The following GNG12 variants were observed in gnomAD, a reference collection of about 807,000 sequenced individuals.
GNG12 encodes G protein subunit gamma 12.
For missense variants in GNG12, 69 were observed against 83.8 expected, an observed-to-expected ratio of 0.82 and a Z score of 0.69; for synonymous variants, 28 against 29.7, an observed-to-expected ratio of 0.94 and a Z score of 0.19.
At chr1:67,734,774 A>G (rs1309476105) in intron 2 of GNG12, among the ~76,000 whole-genome samples, 1 of 152,188 alleles carries the variant, frequency 6.6e-6, no homozygotes, top group East Asian at 1.9e-4. Flanking sequence ...CTACAGGCAC[A>G]CTACAGGGTC....
intron 2 of GNG12, among the ~76,000 whole-genome samples, chr1:67,714,330 T>C (rs111668589): frequency 1.3e-5 from 2 of 152,290 alleles, no homozygotes; most frequent in Admixed American, 6.5e-5. Context: ...CAGGGACACA[T>C]TCAGGGATTC....
chr1:67,788,529 T>C (rs1646783132), intron 1 of GNG12, among the ~76,000 whole-genome samples: 2 of 151,618 alleles, frequency 1.3e-5, no homozygotes. Flanking sequence ...TTTAAGGAGA[T>C]AGTGTCTTGC....
At chr1:67,797,816 T>A (rs2100792184) in intron 1 of GNG12, among the ~76,000 whole-genome samples, 1 of 152,058 alleles carries the variant, frequency 6.6e-6, no homozygotes, top group Non-Finnish European at 1.5e-5. Flanking sequence ...GAGAGAACCA[T>A]CCCCTCGGAG....
At chr1:67,797,154 A>T (rs1276308) in intron 1 of GNG12, among the ~76,000 whole-genome samples, 109,917 of 151,982 alleles carry the variant, frequency 0.72, 39,866 homozygotes, top group Middle Eastern at 0.79. Flanking sequence ...ACTAAATCAG[A>T]TAGTCAGCTT....
At chr1:67,739,337 T>C (rs1646469927) in intron 2 of GNG12, among the ~76,000 whole-genome samples, 1 of 152,242 alleles carries the variant, frequency 6.6e-6, no homozygotes, top group East Asian at 1.9e-4. Flanking sequence ...GCCCCAAAGA[T>C]TCTTCCTGTT....
intron 2 of GNG12, among the ~76,000 whole-genome samples, chr1:67,746,933 T>C (rs1042932503): frequency 2.0e-5 from 3 of 150,814 alleles, no homozygotes; most frequent in African/African-American, 7.4e-5. Flanking sequence ...TTTAAAAGTG[T>C]GTGTTTTTTT....
At chr1:67,808,213 G>GT (rs1557624244) in intron 1 of GNG12, among the ~76,000 whole-genome samples, 1 of 151,898 alleles carries the variant, frequency 6.6e-6, no homozygotes, top group African/African-American at 2.4e-5. Context: ...TCACATGATC[G>GT]TATCAACAGA....
At chr1:67,803,873 C>CAACAA (rs373252668) in intron 1 of GNG12, among the ~76,000 whole-genome samples, 65 of 152,054 alleles carry the variant, frequency 4.3e-4, no homozygotes, top group African/African-American at 1.2e-3. Context: ...GCAAGTGTAC[C>CAACAA]AACAAAACAA....
At position 67,731,109 on chromosome 1, in the gene GNG12, AT is replaced by A. The variant is rs71590377; in HGVS notation, c.-26-23398del. 2.0e-5 allele frequency among the ~76,000 whole-genome samples: 3 copies of A among 151,706 alleles called. No homozygotes were observed. In the East Asian group the frequency reaches 5.8e-4, roughly 29 times the overall value. ...TGTGACTTATTCCTATTTTGTTTTT[AT>A]TTTTTCCCCCCAGAAAGCCCTCCCC... On this transcript the variant is annotated intron_variant, in intron 2 of 3. Coordinates refer to ENST00000370982, the MANE Select transcript of GNG12 (RefSeq NM_018841.6).
intron 2 of GNG12, among the ~76,000 whole-genome samples, chr1:67,770,438 A>C (rs1646667245): frequency 6.6e-6 from 1 of 152,182 alleles, no homozygotes; most frequent in African/African-American, 2.4e-5. Context: ...TCAGAAAGTG[A>C]GTACTGTCCC....
chr1:67,791,720 G>A (rs1401925865), intron 1 of GNG12, among the ~76,000 whole-genome samples: 1 of 151,996 alleles, frequency 6.6e-6, no homozygotes, highest in African/African-American at 2.4e-5. Flanking sequence ...AGCATCTCTC[G>A]CCTGGATGAC....
At chr1:67,724,911 A>G (rs1362242440) in intron 2 of GNG12, among the ~76,000 whole-genome samples, 1 of 152,256 alleles carries the variant, frequency 6.6e-6, no homozygotes, top group Non-Finnish European at 1.5e-5. Flanking sequence ...AGTCCTAAAC[A>G]TGTCATAACA....
At chr1:67,715,100 G>A (rs1646317848) in intron 2 of GNG12, among the ~76,000 whole-genome samples, 1 of 152,074 alleles carries the variant, frequency 6.6e-6, no homozygotes, top group Non-Finnish European at 1.5e-5. Context: ...TGTATTTTTA[G>A]TAGAGATGGG....
At chr1:67,797,835 T>C (rs1313089462) in intron 1 of GNG12, among the ~76,000 whole-genome samples, 1 of 152,120 alleles carries the variant, frequency 6.6e-6, no homozygotes, top group Non-Finnish European at 1.5e-5. Context: ...AGCCAAGATC[T>C]TCCTCAGGTG....
intron 1 of GNG12, among the ~76,000 whole-genome samples, chr1:67,831,671 G>A (rs1276428170): frequency 6.6e-6 from 1 of 152,104 alleles, no homozygotes; most frequent in African/African-American, 2.4e-5. Context: ...CATTTTATCT[G>A]AAAGTCCTTT....
At position 67,703,256 on chromosome 1, in the gene GNG12, C is replaced by A. The variant is rs1646226067; in HGVS notation, c.*2195G>T. 6.6e-6 allele frequency: 1 copy of A among 152,132 alleles called. No homozygotes were observed. 9.4% of individuals were successfully genotyped at this position (152,132 alleles called of 1,614,324 possible). Reference sequence around the variant, plus strand: ...ATCTCCTGGGACCTCAAGTCCATTTCTTACCACTATAAGCATATTAACAGA... The same window carrying A: ...ATCTCCTGGGACCTCAAGTCCATTTATTACCACTATAAGCATATTAACAGA... On this transcript the variant is annotated 3_prime_UTR_variant, in exon 4 of 4. Coordinates refer to ENST00000370982, the MANE Select transcript of GNG12 (RefSeq NM_018841.6).
chr1:67,815,549 G>A lies in GNG12; in HGVS notation c.-77+17795C>T, dbSNP rs1272795164. Among the ~76,000 whole-genome samples the A allele has an allele frequency of 2.0e-5, 3 of 152,164 alleles. No individual in the cohort carries two copies. The East Asian group carries it at 5.8e-4, about 29-fold the overall frequency. Reference sequence around the variant, plus strand: ...CCCCAGAGTGCTGTGCTGTTACCCTGTGGGTTACTGTGTCGAAATGGAAGC... The same window carrying A: ...CCCCAGAGTGCTGTGCTGTTACCCTATGGGTTACTGTGTCGAAATGGAAGC... On this transcript the variant is annotated intron_variant, in intron 1 of 3. Transcript: ENST00000370982.
intron 1 of GNG12, among the ~76,000 whole-genome samples, chr1:67,816,737 G>T (rs776859736): frequency 6.6e-6 from 1 of 152,176 alleles, no homozygotes; most frequent in Non-Finnish European, 1.5e-5. Context: ...GGTAGGGCCC[G>T]GTGACAAGAC....
intron 2 of GNG12, among the ~76,000 whole-genome samples, chr1:67,764,218 G>A (rs1646622874): frequency 6.6e-6 from 1 of 152,124 alleles, no homozygotes. Context: ...AGTACCTGGA[G>A]GCAGTGCTCC....
Sources: allele counts gnomAD v4.1 joint callset (sites outside exome capture counted in the v4.1 genomes callset), GRCh38; gene constraint gnomAD v4.1.1; transcripts MANE v1.5; gene names NCBI Gene and HGNC (gene_info 2026-07-23, HGNC 2026-07-21).